DLGAP2: variants seen among roughly 807,000 people sequenced by gnomAD.
DLGAP2 encodes disks large-associated protein 2.
Under a neutral mutation model 100.3 loss-of-function variants are expected in DLGAP2, and 26 were observed. That is an observed-to-expected ratio of 0.26 (90% CI 0.19 to 0.36). The LOEUF (loss-of-function observed/expected upper bound fraction) is 0.36, where lower values mean the gene tolerates loss of function less well. Ranked by LOEUF, DLGAP2 falls within the 10% of genes least tolerant of loss-of-function variation. The pLI, the probability that DLGAP2 is intolerant of heterozygous loss-of-function variation, is 1.00. For synonymous variants in DLGAP2, 886 were observed against 630.1 expected, an observed-to-expected ratio of 1.41 and a Z score of -6.08; for missense variants, 1,858 against 1,453.2, an observed-to-expected ratio of 1.28 and a Z score of -4.53.
chr8:1,488,726 C>T (rs765528658), intron 3 of DLGAP2, among the ~76,000 whole-genome samples: 12 of 152,212 alleles, frequency 7.9e-5, no homozygotes, highest in African/African-American at 2.2e-4. Context: ...AGCTCCTCCT[C>T]TGCACGATGG....
intron 4 of DLGAP2, among the ~76,000 whole-genome samples, chr8:1,506,741 G>A (rs749398019): frequency 1.3e-5 from 2 of 152,154 alleles, no homozygotes; most frequent in Non-Finnish European, 2.9e-5. Context: ...TTTTGACAGG[G>A]TGCTGATTGG....
At chr8:1,545,906 A>T (rs1177655581) in intron 4 of DLGAP2, among the ~76,000 whole-genome samples, 1 of 152,070 alleles carries the variant, frequency 6.6e-6, no homozygotes, top group Non-Finnish European at 1.5e-5. Flanking sequence ...GCAGTAATGG[A>T]CTCTCTTTTT....
At chr8:1,270,473 C>T (rs948277970) in intron 3 of DLGAP2, among the ~76,000 whole-genome samples, 2 of 152,150 alleles carry the variant, frequency 1.3e-5, no homozygotes, top group African/African-American at 2.4e-5. Flanking sequence ...CCACTCTTGC[C>T]TTACGTCCAA....
chr8:1,322,168 T>C (rs1172807759), intron 3 of DLGAP2, among the ~76,000 whole-genome samples: 1 of 152,220 alleles, frequency 6.6e-6, no homozygotes, highest in Non-Finnish European at 1.5e-5. Flanking sequence ...TCCTTCAACA[T>C]AGGTGAATTC....
chr8:829,661 A>G (rs1393551898), intron 1 of DLGAP2, among the ~76,000 whole-genome samples: 3 of 152,256 alleles, frequency 2.0e-5, no homozygotes, highest in African/African-American at 4.8e-5. Context: ...TTACCATAGA[A>G]AAATTAACAA....
chr8:765,474 A>C (rs1821186165), intron 1 of DLGAP2, among the ~76,000 whole-genome samples: 1 of 152,142 alleles, frequency 6.6e-6, no homozygotes, highest in Admixed American at 6.5e-5. Flanking sequence ...TGCTGGAACC[A>C]AAATAATTAT....
intron 3 of DLGAP2, among the ~76,000 whole-genome samples, chr8:1,466,122 C>T (rs1056610852): frequency 3.3e-5 from 5 of 152,112 alleles, no homozygotes; most frequent in African/African-American, 9.7e-5. Flanking sequence ...TAACCATATT[C>T]GTGTTGGAGC....
At chr8:1,147,850 A>G (rs571350452) in intron 2 of DLGAP2, among the ~76,000 whole-genome samples, 2 of 152,350 alleles carry the variant, frequency 1.3e-5, no homozygotes, top group East Asian at 3.9e-4. Context: ...TAAATACAAT[A>G]ATTTTATAAT....
At chr8:1,511,992 G>T (rs9314431) in intron 4 of DLGAP2, among the ~76,000 whole-genome samples, 22,258 of 152,294 alleles carry the variant, frequency 0.15, 1,801 homozygotes, top group Non-Finnish European at 0.16. Flanking sequence ...ATGAATACTA[G>T]CTGCAGTTAG....
chr8:1,561,816 A>T (rs11990348), intron 5 of DLGAP2, among the ~76,000 whole-genome samples: 1 of 12,792 alleles, frequency 7.8e-5, no homozygotes, highest in African/African-American at 3.7e-4. Context: ...GCACCTCGTT[A>T]CTGGGGGACT....
intron 1 of DLGAP2, among the ~76,000 whole-genome samples, chr8:815,203 A>G (rs1465018832): frequency 1.3e-5 from 2 of 152,160 alleles, no homozygotes; most frequent in Non-Finnish European, 2.9e-5. Flanking sequence ...GTCCAAAGTC[A>G]AAGTACAGGA....
At chr8:1,595,032 T>C (rs1584969042) in intron 6 of DLGAP2, among the ~76,000 whole-genome samples, 1 of 151,660 alleles carries the variant, frequency 6.6e-6, no homozygotes, top group East Asian at 1.9e-4. Context: ...GCTCCTGGGG[T>C]TTCTTTTTTT....
rs117605766 is a variant in DLGAP2, at chr8:864,417, C to G, written c.19-43495C>G. ...CTAATTTGTCCATTGCACAAAGTCT[C>G]TGTGGATTGGAACATCTCACTGTGC... On this transcript the variant is annotated intron_variant, in intron 1 of 14. Coordinates refer to ENST00000637795, the MANE Select transcript of DLGAP2 (RefSeq NM_001346810.2). Among the ~76,000 whole-genome samples, 1,293 of 152,308 alleles carry G rather than the reference C, an allele frequency of 8.5e-3. 12 individuals carry two copies. Among genetic ancestry groups the G allele is most frequent in the Admixed American group, 0.018 (270 of 15,300 alleles).
At chr8:1,305,103 CTGGGCTT>C (rs1360791620) in intron 3 of DLGAP2, among the ~76,000 whole-genome samples, 2 of 152,204 alleles carry the variant, frequency 1.3e-5, no homozygotes, top group Admixed American at 6.5e-5. Context: ...CCAGAGTAGC[CTGGGCTT>C]TGGAGTCAGC....
intron 3 of DLGAP2, among the ~76,000 whole-genome samples, chr8:1,332,442 TAC>T (rs1355352488): frequency 1.3e-5 from 2 of 152,122 alleles, no homozygotes; most frequent in Admixed American, 1.3e-4. Flanking sequence ...TATGTCTGTG[TAC>T]ACATGTGTCT....
At chr8:1,139,255 C>T (rs566125165) in intron 2 of DLGAP2, among the ~76,000 whole-genome samples, 1 of 152,232 alleles carries the variant, frequency 6.6e-6, no homozygotes, top group Non-Finnish European at 1.5e-5. Context: ...CCCCTGTGTT[C>T]TCTGCCAACA....
In DLGAP2 at chr8:1,701,499, C is replaced by A; in HGVS notation, c.*93C>A. ...CCTGGTGGTTTCTGTCTCCTCCTCC[C>A]GCTGAACACGTCCTCGCTCCCGCGC... On this transcript the variant is annotated 3_prime_UTR_variant, in exon 15 of 15. Transcript: ENST00000637795. 2.3e-6 allele frequency: 3 copies of A among 1,295,538 alleles called. No homozygotes were observed. In the East Asian group the frequency reaches 7.7e-5, roughly 33 times the overall value. The allele number at this position is 1,295,538 out of a possible 1,614,324, so 80.3% of individuals were successfully genotyped here.
chr8:1,054,184 A>G (rs1456998772), intron 2 of DLGAP2, among the ~76,000 whole-genome samples: 1 of 150,448 alleles, frequency 6.6e-6, no homozygotes, highest in African/African-American at 2.5e-5. Flanking sequence ...GCACGCACAC[A>G]TGTACACGCA....
At chr8:1,335,741 T>A (rs1801258582) in intron 3 of DLGAP2, among the ~76,000 whole-genome samples, 2 of 152,190 alleles carry the variant, frequency 1.3e-5, no homozygotes, top group African/African-American at 4.8e-5. Flanking sequence ...TGAGTATGAT[T>A]TATGTGTTTT....
Sources: allele counts gnomAD v4.1 joint callset (sites outside exome capture counted in the v4.1 genomes callset), GRCh38; gene constraint gnomAD v4.1.1; transcripts MANE v1.5; gene names NCBI Gene and HGNC (gene_info 2026-07-23, HGNC 2026-07-21).